The following EPRS1 variants were observed in gnomAD, a reference collection of about 807,000 sequenced individuals.
EPRS1 encodes the protein bifunctional glutamate/proline--tRNA ligase.
A neutral mutation model predicts 188.3 loss-of-function variants in EPRS1; 107 were observed. That is an observed-to-expected ratio of 0.57 (90% CI 0.49 to 0.67). The LOEUF (loss-of-function observed/expected upper bound fraction) is 0.67. EPRS1 is among the 30% of genes least tolerant of loss of function. The pLI is 0.00. For synonymous variants in EPRS1, 596 were observed against 593.1 expected, an observed-to-expected ratio of 1.00 and a Z score of -0.07; for missense variants, 1,577 against 1,802.2, an observed-to-expected ratio of 0.88 and a Z score of 2.26.
intron 1 of EPRS1, among the ~76,000 whole-genome samples, chr1:220,045,331 T>C (rs1571704487): frequency 1.3e-5 from 2 of 151,972 alleles, no homozygotes; most frequent in East Asian, 3.9e-4. Flanking sequence ...ACGCCATCTT[T>C]CCAAAAAAGA....
At chr1:220,008,524 C>T (rs6677609) in intron 13 of EPRS1, among the ~76,000 whole-genome samples, 2,964 of 152,154 alleles carry the variant, frequency 0.019, 89 homozygotes, top group African/African-American at 0.06. Context: ...AGATAACATA[C>T]TAAGCTCAGA....
intron 21 of EPRS1, among the ~76,000 whole-genome samples, chr1:219,983,829 G>C (rs1486730222): frequency 6.6e-6 from 1 of 150,840 alleles, no homozygotes; most frequent in Non-Finnish European, 1.5e-5. Context: ...GGAGGCGGAG[G>C]TTGCAGTGAG....
At chr1:220,018,295 T>C in intron 12 of EPRS1, 154 bp downstream of exon 12, 1 of 906,704 alleles carries the variant, frequency 1.1e-6, no homozygotes, top group South Asian at 1.5e-5. Context: ...CTTCGTGTAT[T>C]TAAAAAAGGA....
At chr1:220,010,808 C>CA (rs34170326) in intron 13 of EPRS1, 138 bp downstream of exon 13, 4,446 of 410,998 alleles carry the variant, frequency 0.011, 38 homozygotes, top group African/African-American at 0.034. Flanking sequence ...GACTACGTCT[C>CA]AAAAAAAAAA....
chr1:220,020,870 A>ATATATATATATATATATATATATATATG lies in EPRS1; in HGVS notation c.1116-650_1116-649insCATATATATATATATATATATATATATA, dbSNP rs1219334636. Among the ~76,000 whole-genome samples, 2 of 77,292 alleles carry ATATATATATATATATATATATATATATG rather than the reference A, an allele frequency of 2.6e-5. 1 individual carries two copies. Among genetic ancestry groups the ATATATATATATATATATATATATATATG allele is most frequent in the Non-Finnish European group, 5.0e-5 (2 of 39,686 alleles). 50.7% of individuals were successfully genotyped at this position (77,292 alleles called of 152,430 possible). ...TATATATATATATATATATATATAT[A>ATATATATATATATATATATATATATATG]TTAGTGCATTATGCTTTCTTTCTTT... On this transcript the variant is annotated intron_variant, in intron 9 of 31. Transcript: ENST00000366923.
rs34457701 is a variant in EPRS1 at position 220,032,362 on chromosome 1, T to TA, written c.528+24dup. The TA allele has an allele frequency of 3.7e-3, 5,565 of 1,501,500 alleles. 9 individuals are homozygous for TA. Among genetic ancestry groups the TA allele is most frequent in the African/African-American group, 6.0e-3 (413 of 68,484 alleles). 93.0% of individuals were successfully genotyped at this position (1,501,500 alleles called of 1,614,324 possible). On this transcript the variant is annotated intron_variant, in intron 5 of 31. Transcript: ENST00000366923. ...CAGCCTCCCAAAGTGTTTTTTTTTT[T>TA]AAAAAAAAAGAAAAAAAGGCTTACC...
intron 12 of EPRS1, among the ~76,000 whole-genome samples, chr1:220,016,561 C>T (rs550988417): frequency 3.5e-5 from 5 of 143,884 alleles, no homozygotes; most frequent in East Asian, 2.0e-4. Flanking sequence ...CAAGCATGCA[C>T]GACCAGGCCT....
intron 25 of EPRS1, 59 bp downstream of exon 25, chr1:219,980,697 T>C (rs1201726160): frequency 4.1e-6 from 5 of 1,215,690 alleles, no homozygotes; most frequent in Non-Finnish European, 6.0e-6. Flanking sequence ...AATAACAAAA[T>C]TGCAGAACCT....
intron 6 of EPRS1, among the ~76,000 whole-genome samples, chr1:220,026,275 TCTG>T (rs1172776129): frequency 6.6e-6 from 1 of 152,196 alleles, no homozygotes; most frequent in African/African-American, 2.4e-5. Flanking sequence ...AAAACACTGT[TCTG>T]CTGTTCCTGT....
intron 2 of EPRS1, among the ~76,000 whole-genome samples, chr1:220,036,898 TA>T (rs1047089323): frequency 2.3e-4 from 34 of 150,284 alleles, no homozygotes; most frequent in African/African-American, 7.2e-4. Context: ...AACAAGATAC[TA>T]AAAAAAGAGT....
chr1:219,988,496 T>G lies in EPRS1; in HGVS notation c.2775+94A>C, dbSNP rs139139523. The stretch of plus-strand genomic sequence containing the variant: ...TTAAGAACTGAAATATGAGTAGAAG[T>G]TAGCCAGATTTGATGGGGCACAAAA... On this transcript the variant is annotated intron_variant, in intron 19 of 31. Transcript: ENST00000366923. 5.4e-3 allele frequency: 4,178 copies of G among 768,662 alleles called. 110 individuals are homozygous for G. Among genetic ancestry groups the G allele is most frequent in the East Asian group, 0.048 (1,893 of 39,338 alleles). The allele number at this position is 768,662 out of a possible 1,614,324, so 47.6% of individuals were successfully genotyped here. A position where few individuals can be genotyped will look rare whatever the true frequency, so the allele number is the denominator to read the frequency against.
chr1:219,978,622 C>T lies in EPRS1; in HGVS notation c.4007G>A (p.Ser1336Asn). Residue 1336 changes from serine to asparagine, a missense_variant, in exon 28 of 32, where the codon AGT becomes AAT. Around this residue, in one of 3 missense-constraint regions of EPRS1, gnomAD observed 296 missense variants for 327.9 expected, o/e 0.90. Transcript: ENST00000366923. The part of the protein sequence containing the change: ...KCNDYRRRLL[S>N]VNIRVRADLR... ...ATCAGCTCTAACGCGGATGTTAACACTGAGTAATCGCCTTCGATAATCATT... is the reference window on the plus strand; with the variant it reads ...ATCAGCTCTAACGCGGATGTTAACATTGAGTAATCGCCTTCGATAATCATT... 1.2e-6 allele frequency: 2 copies of T among 1,612,440 alleles called. No homozygotes were observed. The highest frequency in any genetic ancestry group is 1.7e-6 in the Non-Finnish European group (2 of 1,179,120).
intron 2 of EPRS1, among the ~76,000 whole-genome samples, chr1:220,038,520 T>C (rs1367352289): frequency 2.7e-5 from 4 of 150,274 alleles, no homozygotes; most frequent in Non-Finnish European, 4.4e-5. Flanking sequence ...GCCTCCCAAG[T>C]AGCTGGGAGT....
intron 1 of EPRS1, among the ~76,000 whole-genome samples, chr1:220,041,394 G>C (rs1662291326): frequency 6.6e-6 from 1 of 152,084 alleles, no homozygotes; most frequent in Non-Finnish European, 1.5e-5. Flanking sequence ...ACGCTTAAAG[G>C]AGTTAAATAA....
At chr1:220,029,945 CA>C (rs1198220919) in intron 6 of EPRS1, among the ~76,000 whole-genome samples, 1 of 152,130 alleles carries the variant, frequency 6.6e-6, no homozygotes, top group Non-Finnish European at 1.5e-5. Flanking sequence ...GGAATAGGAA[CA>C]GGCTTTTCAG....
intron 30 of EPRS1, among the ~76,000 whole-genome samples, chr1:219,969,896 T>C (rs1053030267): frequency 1.1e-4 from 16 of 152,234 alleles, no homozygotes; most frequent in East Asian, 9.7e-4. Flanking sequence ...TCTTGGCTCA[T>C]TGCAACCTCT....
chr1:220,019,342 C>T (rs1275892086), intron 10 of EPRS1, among the ~76,000 whole-genome samples: 2 of 152,040 alleles, frequency 1.3e-5, no homozygotes, highest in African/African-American at 4.8e-5. Flanking sequence ...ACAATGGTGA[C>T]ATTTTCAAAT....
chr1:219,980,531 T>C (rs879336409), intron 25 of EPRS1, among the ~76,000 whole-genome samples: 3 of 152,120 alleles, frequency 2.0e-5, no homozygotes, highest in Non-Finnish European at 2.9e-5. Context: ...TCCTGAAAAA[T>C]AATTTTTTCT....
chr1:219,988,960 C>T, intron 18 of EPRS1, 137 bp from the exon 19 acceptor site: 1 of 587,414 alleles, frequency 1.7e-6, no homozygotes, highest in Non-Finnish European at 3.0e-6. Context: ...AAATCATCAG[C>T]CTACAATAAG....
Sources: gnomAD v4.1 joint callset for allele counts (sites outside exome capture counted in the v4.1 genomes callset) on GRCh38, gnomAD v4.1.1 for gene constraint, gnomAD v4.1.1 regional missense constraint, MANE v1.5 for transcripts, NCBI Gene and HGNC (gene_info 2026-07-23, HGNC 2026-07-21) for gene names.